Variants in AIMP1 observed in about 807,000 individuals in gnomAD.
AIMP1 encodes aminoacyl tRNA synthetase complex interacting multifunctional protein 1.
A neutral mutation model predicts 33.1 loss-of-function variants in AIMP1; 24 were observed. The observed-to-expected ratio is 0.73, with a 90% confidence interval of 0.53 to 1.02. The LOEUF (loss-of-function observed/expected upper bound fraction) is 1.02, where lower values mean the gene tolerates loss of function less well. Ranked by LOEUF, AIMP1 falls within the 50% of genes least tolerant of loss-of-function variation. The pLI is 0.00. For synonymous variants in AIMP1, 120 were observed against 121.5 expected (o/e 0.99, Z 0.08); for missense variants, 367 against 364.8 (o/e 1.01, Z -0.05).
chr4:106,325,264 A>G (rs1769415224), intron 2 of AIMP1, 146 bp downstream of exon 2: 4 of 728,624 alleles, frequency 5.5e-6, no homozygotes, highest in Middle Eastern at 3.6e-4. Context: ...CTGAATTTCT[A>G]CCTTCAGGAC....
At chr4:106,334,991 G>A (rs1179682576) in intron 5 of AIMP1, among the ~76,000 whole-genome samples, 3 of 152,126 alleles carry the variant, frequency 2.0e-5, no homozygotes, top group African/African-American at 4.8e-5. Context: ...TGTAAAGTTT[G>A]GCATTTTTTC....
rs1166974332 is a variant in AIMP1, at chr4:106,328,382, T to C, written c.391+139T>C. 8.8e-6 allele frequency: 10 copies of C among 1,132,666 alleles called. No homozygotes were observed. The East Asian group carries it at 2.7e-4, about 30-fold the overall frequency. The allele number at this position is 1,132,666 out of a possible 1,614,324, so 70.2% of individuals were successfully genotyped here. A position where few individuals can be genotyped will look rare whatever the true frequency, so the allele number is the denominator to read the frequency against. ...GGATAAAATTAGGAACAATATGATA[T>C]TGGAACATAAAAGCTGGGTCCTAAA... On this transcript the variant is annotated intron_variant, in intron 4 of 6. Transcript: ENST00000672341.
At chr4:106,345,750 C>T (rs901864323) in intron 6 of AIMP1, among the ~76,000 whole-genome samples, 1 of 151,288 alleles carries the variant, frequency 6.6e-6, no homozygotes, top group African/African-American at 2.4e-5. Context: ...AACAAAACTA[C>T]AATGACCAAC....
Position 106,327,473 on chromosome 4 carries a change from A to T in AIMP1, c.132A>T (p.Glu44Asp), listed in dbSNP as rs1769496455. 2 of 1,612,454 alleles carry T rather than the reference A, an allele frequency of 1.2e-6. No homozygotes were observed. The highest frequency in any genetic ancestry group is 2.2e-5 in the South Asian group (2 of 91,032). The change falls in exon 3 of 7, where the codon GAA becomes GAT. Residue 44 changes from glutamate (E) to aspartate (D), a missense_variant. Glu to Asp is a conservative substitution (Grantham distance 45). Transcript: ENST00000672341. ...EKAILQATLR[E>D]EKKLRVENAK... ...TAGTTTTGCAGGCAACTTTGAGGGA[A>T]GAGAAGAAACTTCGAGTTGAAAATG... is the stretch of plus-strand genomic sequence containing the variant.
chr4:106,342,829 G>A (rs1462632006), intron 6 of AIMP1, among the ~76,000 whole-genome samples: 1 of 151,856 alleles, frequency 6.6e-6, no homozygotes, highest in African/African-American at 2.4e-5. Flanking sequence ...CAGTTTTTTG[G>A]AATAGTCTCA....
chr4:106,344,444 A>G (rs1770216079), intron 6 of AIMP1, among the ~76,000 whole-genome samples: 1 of 152,124 alleles, frequency 6.6e-6, no homozygotes, highest in African/African-American at 2.4e-5. Context: ...TCTTCTCCTC[A>G]GAAAATCCTA....
chr4:106,319,537 CA>C (rs1365316809), intron 1 of AIMP1, among the ~76,000 whole-genome samples: 1 of 151,992 alleles, frequency 6.6e-6, no homozygotes, highest in Non-Finnish European at 1.5e-5. Flanking sequence ...TAATATGTTT[CA>C]AAAGCTTTTG....
intron 1 of AIMP1, among the ~76,000 whole-genome samples, chr4:106,317,772 T>C (rs1769020710): frequency 6.6e-6 from 1 of 152,192 alleles, no homozygotes; most frequent in Non-Finnish European, 1.5e-5. Context: ...AGATAAGTCA[T>C]GTAATTTTCC....
At chr4:106,328,273 C>T in intron 4 of AIMP1, 30 bp downstream of exon 4, 1 of 1,571,152 alleles carries the variant, frequency 6.4e-7, no homozygotes, top group Non-Finnish European at 8.6e-7. Context: ...ATATTTAGCT[C>T]TTGACTGGAT....
intron 4 of AIMP1, among the ~76,000 whole-genome samples, chr4:106,328,602 T>C (rs181186167): frequency 1.3e-5 from 2 of 152,326 alleles, no homozygotes; most frequent in African/African-American, 4.8e-5. Flanking sequence ...GGACCAGTTG[T>C]GAAGATAGGA....
intron 6 of AIMP1, among the ~76,000 whole-genome samples, chr4:106,342,110 A>C (rs1401013940): frequency 6.6e-6 from 1 of 152,144 alleles, no homozygotes; most frequent in African/African-American, 2.4e-5. Flanking sequence ...TAGTGTATAG[A>C]AATGCTGCTG....
Position 106,321,750 on chromosome 4 carries a change from T to C in AIMP1, c.-25-3235T>C, listed in dbSNP as rs941253692. On this transcript the variant is annotated intron_variant, in intron 1 of 6. Coordinates refer to ENST00000672341, the MANE Select transcript of AIMP1 (RefSeq NM_001142416.2). ...TGATGACGATGGCAGTTTTGTCGAA[T>C]AGAAAAGGGGGAAATGTGGGGAAAA... Among the ~76,000 whole-genome samples the C allele has an allele frequency of 2.3e-4, 35 of 152,284 alleles. 1 individual carries two copies. Among genetic ancestry groups the C allele is most frequent in the South Asian group, 6.2e-4 (3 of 4,828 alleles).
At chr4:106,344,343 C>A (rs982390808) in intron 6 of AIMP1, among the ~76,000 whole-genome samples, 1 of 152,122 alleles carries the variant, frequency 6.6e-6, no homozygotes, top group Non-Finnish European at 1.5e-5. Context: ...CATTCTTCCC[C>A]CTAGACTTTC....
intron 5 of AIMP1, among the ~76,000 whole-genome samples, chr4:106,336,096 G>A (rs1769867160): frequency 8.0e-6 from 1 of 124,848 alleles, no homozygotes; most frequent in South Asian, 2.6e-4. Context: ...CTGGAGTTCA[G>A]TGGCATAATC....
chr4:106,327,356 C>T, intron 2 of AIMP1, 95 bp from the exon 3 acceptor site: 1 of 865,694 alleles, frequency 1.2e-6, no homozygotes, highest in Non-Finnish European at 1.9e-6. Flanking sequence ...CTAGTATTAT[C>T]CTAGCTGTAG....
intron 1 of AIMP1, among the ~76,000 whole-genome samples, chr4:106,316,938 G>A (rs1030267034): frequency 6.6e-6 from 1 of 152,228 alleles, no homozygotes; most frequent in East Asian, 1.9e-4. Context: ...TGAGCGAATA[G>A]TTATTAAGCG....
chr4:106,331,917 A>T (rs973503924), intron 5 of AIMP1, 34 bp downstream of exon 5: 3 of 1,578,804 alleles, frequency 1.9e-6, no homozygotes, highest in Non-Finnish European at 2.6e-6. Context: ...TGTTGTGTAC[A>T]TACAACATTT....
chr4:106,348,071 G>T lies in AIMP1; in HGVS notation c.*379G>T. On this transcript the variant is annotated 3_prime_UTR_variant, in exon 7 of 7. Coordinates refer to ENST00000672341, the MANE Select transcript of AIMP1 (RefSeq NM_001142416.2). ...GGGATTTTTTGTATATTGTGTATCT[G>T]TATCAAAAATATCCTCTCCTTTTCA... The T allele has an allele frequency of 6.0e-6, 1 of 165,504 alleles. No homozygotes were observed. The highest frequency in any genetic ancestry group is 6.3e-5 in the Admixed American group (1 of 15,892). The allele number at this position is 165,504 out of a possible 1,614,324, so 10.3% of individuals were successfully genotyped here.
At chr4:106,328,050 T>C in intron 3 of AIMP1, 26 bp from the exon 4 acceptor site, 2 of 1,608,210 alleles carry the variant, frequency 1.2e-6, no homozygotes, top group Non-Finnish European at 1.7e-6. Flanking sequence ...TTAATATGAA[T>C]GACATTATTT....
Sources: allele counts gnomAD v4.1 joint callset (sites outside exome capture counted in the v4.1 genomes callset), GRCh38; gene constraint gnomAD v4.1.1; transcripts MANE v1.5; gene names NCBI Gene and HGNC (gene_info 2026-07-23, HGNC 2026-07-21).